Variants in CSMD2 observed in about 807,000 individuals in gnomAD.
CSMD2 encodes CUB and Sushi multiple domains 2, also known as CUB and sushi domain-containing protein 2.
CSMD2 carries 130 observed loss-of-function variants against 398.5 expected under a neutral mutation model. That is an observed-to-expected ratio of 0.33 (90% CI 0.28 to 0.38). The LOEUF is 0.38. CSMD2 is among the 10% of genes least tolerant of loss of function. CSMD2 has a pLI of 1.00. For missense variants in CSMD2, 3,829 were observed against 4,764.9 expected (o/e 0.80, Z 5.78); for synonymous variants, 1,828 against 1,908.5 (o/e 0.96, Z 1.10).
chr1:33,829,225 T>C (rs10753291), intron 6 of CSMD2, among the ~76,000 whole-genome samples: 119,534 of 152,114 alleles, frequency 0.79, 47,814 homozygotes, highest in East Asian at 0.94. Flanking sequence ...GCCCAGCTGA[T>C]TGATGGTAGA....
chr1:34,082,592 G>C (rs887006522), intron 2 of CSMD2, among the ~76,000 whole-genome samples: 3 of 152,258 alleles, frequency 2.0e-5, no homozygotes, highest in African/African-American at 7.2e-5. Flanking sequence ...AGCTCATTGA[G>C]AACGGGCCAT....
At chr1:33,626,242 A>T (rs778317965) in intron 33 of CSMD2, among the ~76,000 whole-genome samples, 14 of 152,162 alleles carry the variant, frequency 9.2e-5, no homozygotes, top group Admixed American at 2.6e-4. Flanking sequence ...AGGGGAAAAA[A>T]CTGGCTGCCT....
At chr1:33,591,170 T>C (rs1570854760) in intron 44 of CSMD2, among the ~76,000 whole-genome samples, 1 of 152,060 alleles carries the variant, frequency 6.6e-6, no homozygotes, top group African/African-American at 2.4e-5. Context: ...GTATTTTTAA[T>C]AGAGACGGGG....
At chr1:33,617,306 T>C (rs1338118755) in intron 38 of CSMD2, among the ~76,000 whole-genome samples, 193 bp downstream of exon 38, 1 of 151,322 alleles carries the variant, frequency 6.6e-6, no homozygotes, top group African/African-American at 2.4e-5. Flanking sequence ...ACATTGGAGG[T>C]TGGCTTGTGC....
chr1:33,956,237 T>C (rs1193817692), intron 3 of CSMD2, among the ~76,000 whole-genome samples: 3 of 151,880 alleles, frequency 2.0e-5, no homozygotes, highest in Non-Finnish European at 4.4e-5. Flanking sequence ...TTCACATTGT[T>C]GTGTAACCAT....
At chr1:34,150,444 T>A (rs771132) in intron 1 of CSMD2, among the ~76,000 whole-genome samples, 1 of 151,902 alleles carries the variant, frequency 6.6e-6, no homozygotes, top group Non-Finnish European at 1.5e-5. Context: ...GCTCTAGAAT[T>A]AGACTAGGTT....
At chr1:34,018,738 T>C (rs903221955) in intron 3 of CSMD2, among the ~76,000 whole-genome samples, 1 of 152,272 alleles carries the variant, frequency 6.6e-6, no homozygotes, top group East Asian at 1.9e-4. Context: ...GGGTTCATTA[T>C]ACAATGCAGA....
At chr1:33,819,579 A>G in intron 9 of CSMD2, 134 bp downstream of exon 9, 2 of 720,930 alleles carry the variant, frequency 2.8e-6, no homozygotes, top group South Asian at 1.8e-5. Context: ...TTATTGGTAA[A>G]TAAGTGCAGG....
intron 12 of CSMD2, among the ~76,000 whole-genome samples, chr1:33,773,887 G>A (rs1348307792): frequency 2.0e-5 from 3 of 152,114 alleles, no homozygotes; most frequent in Non-Finnish European, 4.4e-5. Context: ...ACACCATCAT[G>A]GGCTGTCAGA....
chr1:33,691,212 G>T (rs1242734660), intron 25 of CSMD2, among the ~76,000 whole-genome samples: 3 of 152,144 alleles, frequency 2.0e-5, no homozygotes, highest in African/African-American at 7.2e-5. Context: ...TGGGGAGGGA[G>T]GCTGAAGTCG....
intron 1 of CSMD2, among the ~76,000 whole-genome samples, chr1:34,147,780 C>T (rs1004655070): frequency 2.6e-5 from 4 of 152,156 alleles, no homozygotes; most frequent in African/African-American, 4.8e-5. Context: ...ATGGCAGTGA[C>T]GTCCCTGCGT....
intron 3 of CSMD2, among the ~76,000 whole-genome samples, chr1:33,976,817 T>A (rs756562782): frequency 2.6e-5 from 4 of 152,102 alleles, no homozygotes; most frequent in Non-Finnish European, 4.4e-5. Context: ...AAAAGTTAAA[T>A]GAAGGAATCC....
At chr1:33,699,311 G>C (rs1645528635) in intron 23 of CSMD2, among the ~76,000 whole-genome samples, 1 of 152,176 alleles carries the variant, frequency 6.6e-6, no homozygotes, top group Non-Finnish European at 1.5e-5. Flanking sequence ...TTAAATGTAT[G>C]TTTAAAAGCT....
In CSMD2 at chr1:33,714,704, C is replaced by A. The variant is rs141181841; in HGVS notation, c.3289G>T (p.Val1097Leu). The change falls in exon 21 of 71, where the codon GTG becomes TTG. Residue 1097 changes from valine to leucine, a missense_variant. Around this residue, in one of 5 missense-constraint regions of CSMD2, gnomAD observed 2,001 missense variants for 2,567.1 expected, o/e 0.78. Coordinates refer to ENST00000373381, the MANE Select transcript of CSMD2 (RefSeq NM_001281956.2). The stretch of plus-strand genomic sequence containing the variant: ...CAGGAGAAGGTCAAGGTGTCGCCCA[C>A]GCCAAACTGCAAGCCCTTCCGGATG... ...YSIRKGLQFGVGDTLTFSCFP... is the reference protein window; with the variant it reads ...YSIRKGLQFGLGDTLTFSCFP... 6.2e-6 allele frequency: 10 copies of A among 1,614,154 alleles called. No homozygotes were observed. The African/African-American group carries it at 9.3e-5, about 15-fold the overall frequency.
At chr1:33,682,470 T>C (rs908194725) in intron 25 of CSMD2, among the ~76,000 whole-genome samples, 9 of 152,226 alleles carry the variant, frequency 5.9e-5, no homozygotes, top group African/African-American at 1.9e-4. Flanking sequence ...GTGGCTTTTG[T>C]GCATATCTGA....
At chr1:33,726,233 G>A (rs574153768) in intron 16 of CSMD2, among the ~76,000 whole-genome samples, 7 of 152,278 alleles carry the variant, frequency 4.6e-5, no homozygotes, top group African/African-American at 1.7e-4. Context: ...CCAGAGTCAT[G>A]CTTTAACATC....
intron 3 of CSMD2, among the ~76,000 whole-genome samples, chr1:34,016,790 A>C (rs1648177995): frequency 7.5e-6 from 1 of 133,376 alleles, no homozygotes. Flanking sequence ...TATTTGATAT[A>C]GATAGATAGA....
Position 33,518,568 on chromosome 1 carries a change from T to C in CSMD2, c.*53+897A>G, listed in dbSNP as rs1453980364. Among the ~76,000 whole-genome samples the C allele has an allele frequency of 6.6e-6, 1 of 152,186 alleles. No individual in the cohort carries two copies. Among genetic ancestry groups the C allele is most frequent in the African/African-American group, 2.4e-5 (1 of 41,432 alleles). On this transcript the variant is annotated intron_variant, in intron 70 of 70. Coordinates refer to ENST00000373381, the MANE Select transcript of CSMD2 (RefSeq NM_001281956.2). This position sits in a 1 kb window ranked among gnomAD's most constrained non-coding sequence, Gnocchi z 4.3. ...ACCAATCTGGATATTGCTGTGAAGG[T>C]ATCTTTTTAGATAAAATTAACTTTG...
intron 6 of CSMD2, among the ~76,000 whole-genome samples, chr1:33,845,447 C>T (rs1262607335): frequency 6.6e-6 from 1 of 152,244 alleles, no homozygotes; most frequent in Non-Finnish European, 1.5e-5. Flanking sequence ...TCGCCCATTG[C>T]TGGCATCAAA....
Sources: allele counts gnomAD v4.1 joint callset (sites outside exome capture counted in the v4.1 genomes callset), GRCh38; gene constraint gnomAD v4.1.1; regional missense constraint gnomAD v4.1.1; non-coding constraint Gnocchi (gnomAD v3.1); transcripts MANE v1.5; gene names NCBI Gene and HGNC (gene_info 2026-07-23, HGNC 2026-07-21).